VCP: variants seen among roughly 807,000 people sequenced by gnomAD.
VCP encodes the protein transitional endoplasmic reticulum ATPase.
VCP carries 6 observed loss-of-function variants against 85.7 expected under a neutral mutation model. The observed-to-expected ratio is 0.07, with a 90% confidence interval of 0.04 to 0.14. VCP has a LOEUF of 0.14. Among genes scored for constraint, VCP ranks in the 10% least tolerant of loss-of-function variants. The pLI, the probability that VCP is intolerant of heterozygous loss-of-function variation, is 1.00. For synonymous variants in VCP, 384 were observed against 367.1 expected (o/e 1.05, Z -0.53); for missense variants, 353 against 1,043.4 (o/e 0.34, Z 9.12).
intron 1 of VCP, chr9:35,071,805 G>A (rs1336777851): frequency 2.0e-6 from 2 of 989,880 alleles, no homozygotes; most frequent in Non-Finnish European, 2.4e-6. Flanking sequence ...GAGCTTCCCT[G>A]AGCTCGGCGG....
At chr9:35,072,071 G>A (rs1447136529) in intron 1 of VCP, 2 of 1,283,288 alleles carry the variant, frequency 1.6e-6, no homozygotes, top group Admixed American at 8.9e-5. Context: ...AATCGGGCGG[G>A]CCGGGGCCTG....
chr9:35,062,437 A>G, intron 7 of VCP, 87 bp from the exon 8 acceptor site: 2 of 1,601,282 alleles, frequency 1.2e-6, no homozygotes, highest in African/African-American at 1.3e-5. Context: ...TGTTTGGCCC[A>G]GAGACAGGTC....
At position 35,056,994 on chromosome 9, in the gene VCP, T is replaced by A; in HGVS notation, c.*123A>T. 2.1e-6 allele frequency: 2 copies of A among 932,106 alleles called. No homozygotes were observed. Among genetic ancestry groups the A allele is most frequent in the Non-Finnish European group, 3.5e-6 (2 of 574,028 alleles). 57.7% of individuals were successfully genotyped at this position (932,106 alleles called of 1,614,324 possible). A position where few individuals can be genotyped will look rare whatever the true frequency, so the allele number is the denominator to read the frequency against. On this transcript the variant is annotated 3_prime_UTR_variant, in exon 17 of 17. Transcript: ENST00000358901. ...GTCCAGAGTCAGACTGTAGCTGAAC[T>A]GTTCAGACTGGAGAATGGAGCAGGC... is the stretch of plus-strand genomic sequence containing the variant.
chr9:35,071,597 T>C (rs1828946341), intron 1 of VCP, among the ~76,000 whole-genome samples: 2 of 152,106 alleles, frequency 1.3e-5, no homozygotes, highest in Admixed American at 1.3e-4. Flanking sequence ...AAAGAAAAAT[T>C]CCTTTCTCCC....
chr9:35,064,335 C>A (rs1359273612), intron 5 of VCP, 50 bp from the exon 6 acceptor site: 2 of 1,609,128 alleles, frequency 1.2e-6, no homozygotes, highest in Non-Finnish European at 1.7e-6. Flanking sequence ...ATTATATCAG[C>A]AAAAGCTGAG....
intron 15 of VCP, among the ~76,000 whole-genome samples, chr9:35,058,769 A>C (rs976295054): frequency 6.6e-6 from 1 of 151,548 alleles, no homozygotes. Flanking sequence ...TTCGTCTCAA[A>C]AAAAAAACAA....
In VCP at chr9:35,060,639, G is replaced by C. The variant is rs904417247; in HGVS notation, c.1483-114C>G. 15 of 1,516,672 alleles carry C rather than the reference G, an allele frequency of 9.9e-6. No homozygotes were observed. In the African/African-American group the frequency reaches 2.1e-4, roughly 21 times the overall value. The allele number at this position is 1,516,672 out of a possible 1,614,324, so 94.0% of individuals were successfully genotyped here. A position where few individuals can be genotyped will look rare whatever the true frequency, so the allele number is the denominator to read the frequency against. The stretch of plus-strand genomic sequence containing the variant: ...GGTGTACCCAATGGTATCAGATCCA[G>C]GTTCTCTAGAAGAAGACTCCTTAGT... On this transcript the variant is annotated intron_variant, in intron 12 of 16. Transcript: ENST00000358901.
chr9:35,065,523 C>T, intron 4 of VCP, 142 bp from the exon 5 acceptor site: 1 of 1,083,444 alleles, frequency 9.2e-7, no homozygotes, highest in Non-Finnish European at 1.4e-6. Flanking sequence ...CCCAACTCCA[C>T]CCCACCTGTC....
chr9:35,063,460 T>C (rs1190740478), intron 6 of VCP, among the ~76,000 whole-genome samples: 1 of 152,160 alleles, frequency 6.6e-6, no homozygotes, highest in Non-Finnish European at 1.5e-5. Flanking sequence ...GGGTCTATTT[T>C]CTTCATTGCC....
At chr9:35,071,449 T>TG (rs1346416788) in intron 1 of VCP, among the ~76,000 whole-genome samples, 1 of 151,928 alleles carries the variant, frequency 6.6e-6, no homozygotes, top group Non-Finnish European at 1.5e-5. Context: ...TATAGCTGGT[T>TG]GGGGAAAGGA....
In VCP at chr9:35,059,804, G is replaced by A. The variant is rs372638909; in HGVS notation, c.1696-3C>T. ...ACACAGGGGGCAGCTTGGCGGGCCT[G>A]TAGGAGGAATGGATTGATTCAAGCA... is the stretch of plus-strand genomic sequence containing the variant. On this transcript the variant is annotated splice_polypyrimidine_tract_variant and splice_region_variant and intron_variant, in intron 13 of 16. Transcript: ENST00000358901. This position sits in a 1 kb window ranked among gnomAD's most constrained non-coding sequence, Gnocchi z 4.9. 1.2e-5 allele frequency: 20 copies of A among 1,614,104 alleles called. No homozygotes were observed. The highest frequency in any genetic ancestry group is 1.6e-5 in the Non-Finnish European group (19 of 1,180,022).
In VCP at chr9:35,059,311, T is replaced by C; in HGVS notation, c.2005-92A>G. The stretch of plus-strand genomic sequence containing the variant: ...TACCCGAGCACTCCCAACTACAGTT[T>C]GCCCCTTCTTTGGCCACCCCATTTT... On this transcript the variant is annotated intron_variant, in intron 14 of 16. Coordinates refer to ENST00000358901, the MANE Select transcript of VCP (RefSeq NM_007126.5). This position sits in a 1 kb window ranked among gnomAD's most constrained non-coding sequence, Gnocchi z 4.9. The C allele has an allele frequency of 1.3e-6, 2 of 1,580,840 alleles. No individual in the cohort carries two copies. Among genetic ancestry groups the C allele is most frequent in the South Asian group, 1.1e-5 (1 of 87,834 alleles).
Position 35,057,071 on chromosome 9 carries a change from A to T in VCP, c.*46T>A. Reference sequence around the variant, plus strand: ...TGGGCAAGCGCCCCCACCCCCAGGGAACAAGGTCCAGGCAGGCCAGCTCAC... The same window carrying T: ...TGGGCAAGCGCCCCCACCCCCAGGGTACAAGGTCCAGGCAGGCCAGCTCAC... On this transcript the variant is annotated 3_prime_UTR_variant, in exon 17 of 17. Transcript: ENST00000358901. The T allele has an allele frequency of 6.2e-7, 1 of 1,605,266 alleles. No individual in the cohort carries two copies. The highest frequency in any genetic ancestry group is 8.5e-7 in the Non-Finnish European group (1 of 1,173,164).
chr9:35,061,794 G>T, intron 9 of VCP, 105 bp from the exon 10 acceptor site: 1 of 1,375,238 alleles, frequency 7.3e-7, no homozygotes, highest in Non-Finnish European at 1.0e-6. Context: ...TTGTCCTAAT[G>T]CCAGCACTAA....
At chr9:35,061,821 G>T in intron 9 of VCP, 132 bp from the exon 10 acceptor site, 10 of 1,418,040 alleles carry the variant, frequency 7.1e-6, no homozygotes, top group Non-Finnish European at 9.9e-6. Context: ...CTCAAGCTCT[G>T]GGAAACCTTT....
intron 12 of VCP, 133 bp from the exon 13 acceptor site, chr9:35,060,658 C>A: frequency 6.5e-7 from 1 of 1,536,644 alleles, no homozygotes; most frequent in South Asian, 1.1e-5. Context: ...GAAGAAGACT[C>A]CTTAGTGCCT....
intron 4 of VCP, 90 bp from the exon 5 acceptor site, chr9:35,065,471 C>T: frequency 6.4e-7 from 1 of 1,565,120 alleles, no homozygotes; most frequent in Non-Finnish European, 8.7e-7. Flanking sequence ...AAATGCCAAG[C>T]TCATTAGATA....
At chr9:35,065,404 C>T (rs1269980920) in intron 4 of VCP, 23 bp from the exon 5 acceptor site, 2 of 1,613,926 alleles carry the variant, frequency 1.2e-6, no homozygotes, top group East Asian at 4.5e-5. Flanking sequence ...ACAGTACAAG[C>T]ACAGTTAGAG....
intron 1 of VCP, among the ~76,000 whole-genome samples, chr9:35,069,402 G>A (rs925561108): frequency 8.9e-5 from 13 of 145,398 alleles, no homozygotes; most frequent in Admixed American, 1.4e-4. Flanking sequence ...TACCTAGCCC[G>A]TTTCCAGCTG....
Sources: allele counts gnomAD v4.1 joint callset (sites outside exome capture counted in the v4.1 genomes callset), GRCh38; gene constraint gnomAD v4.1.1; non-coding constraint Gnocchi (gnomAD v3.1); transcripts MANE v1.5; gene names NCBI Gene and HGNC (gene_info 2026-07-23, HGNC 2026-07-21).